The following RANBP9 variants were observed in gnomAD, a reference collection of about 807,000 sequenced individuals.
RANBP9 encodes ran-binding protein 9.
RANBP9 carries 15 observed loss-of-function variants against 84.3 expected under a neutral mutation model. The ratio of observed to expected loss-of-function variants is 0.18; its 90% confidence interval spans 0.12 to 0.27. The LOEUF (loss-of-function observed/expected upper bound fraction) is 0.27, where lower values mean the gene tolerates loss of function less well. RANBP9 is among the 10% of genes least tolerant of loss of function. The pLI is 1.00. For synonymous variants in RANBP9, 392 were observed against 349.6 expected (o/e 1.12, Z -1.35); for missense variants, 809 against 912.8 (o/e 0.89, Z 1.46).
At chr6:13,635,919 T>C (rs1764927052) in intron 10 of RANBP9, among the ~76,000 whole-genome samples, 3 of 152,102 alleles carry the variant, frequency 2.0e-5, no homozygotes, top group South Asian at 2.1e-4. Context: ...AAGGATATTA[T>C]GAAACAGCCT....
Position 13,644,730 on chromosome 6 carries a change from C to T in RANBP9, c.928-1G>A, listed in dbSNP as rs1313124720. 1 of 1,583,584 alleles carries T rather than the reference C, an allele frequency of 6.3e-7. No homozygotes were observed. The highest frequency in any genetic ancestry group is 1.9e-5 in the Admixed American group (1 of 53,208). On this transcript the variant is annotated splice_acceptor_variant, in intron 5 of 13. Coordinates refer to ENST00000011619, the MANE Select transcript of RANBP9 (RefSeq NM_005493.3). LOFTEE classifies it high-confidence loss of function. Reference sequence around the variant, plus strand: ...GCCCCACAGTAGGATACAAATTTGGCTGTAAGATAGCATATTTCATTAAAC... The same window carrying T: ...GCCCCACAGTAGGATACAAATTTGGTTGTAAGATAGCATATTTCATTAAAC...
chr6:13,708,337 G>A (rs1164887303), intron 1 of RANBP9, among the ~76,000 whole-genome samples: 1 of 152,066 alleles, frequency 6.6e-6, no homozygotes, highest in East Asian at 1.9e-4. Context: ...GAGGCAGGGG[G>A]ATCCCTTGAG....
At chr6:13,672,216 G>A (rs1765793014) in intron 2 of RANBP9, among the ~76,000 whole-genome samples, 1 of 152,036 alleles carries the variant, frequency 6.6e-6, no homozygotes, top group African/African-American at 2.4e-5. Context: ...CCTAGAGTAA[G>A]AGCAATAATT....
At chr6:13,629,115 CTTT>C (rs147993403) in intron 12 of RANBP9, among the ~76,000 whole-genome samples, 31,205 of 151,992 alleles carry the variant, frequency 0.21, 3,723 homozygotes, top group Admixed American at 0.27. Flanking sequence ...ATCATTGAGC[CTTT>C]TTGTTTTTTT....
intron 2 of RANBP9, among the ~76,000 whole-genome samples, chr6:13,694,135 A>G (rs571336875): frequency 9.2e-5 from 14 of 152,366 alleles, no homozygotes; most frequent in Non-Finnish European, 1.6e-4. Context: ...TACAAAGTTA[A>G]AAATACACTT....
At chr6:13,632,824 C>CGT (rs1764827398) in intron 11 of RANBP9, 1 of 128,122 alleles carries the variant, frequency 7.8e-6, no homozygotes, top group Non-Finnish European at 1.6e-5. Context: ...CCTAAAACTA[C>CGT]ATTAAGCAAC....
rs879753462 is a variant in RANBP9 at position 13,625,537 on chromosome 6, A to T, written c.2059+116T>A. On this transcript the variant is annotated intron_variant, in intron 13 of 13. Transcript: ENST00000011619. ...TATTTTAGGTATTTTTATATTTTAA[A>T]AATATAGAAAACATTTTCCTGATGA... The T allele has an allele frequency of 4.1e-5, 25 of 604,034 alleles. No homozygotes were observed. In the South Asian group the frequency reaches 6.7e-4, roughly 16 times the overall value. 37.4% of individuals were successfully genotyped at this position (604,034 alleles called of 1,614,324 possible). A position where few individuals can be genotyped will look rare whatever the true frequency, so the allele number is the denominator to read the frequency against.
At chr6:13,654,488 A>C (rs1469371434) in intron 4 of RANBP9, among the ~76,000 whole-genome samples, 1 of 152,244 alleles carries the variant, frequency 6.6e-6, no homozygotes, top group Non-Finnish European at 1.5e-5. Context: ...ATGAGACAGA[A>C]ACTAAAGATG....
chr6:13,638,628 TGAGACCAGCATCAGAAACATTGC>T (rs945985781), intron 9 of RANBP9, among the ~76,000 whole-genome samples: 2 of 151,830 alleles, frequency 1.3e-5, no homozygotes, highest in African/African-American at 4.8e-5. Flanking sequence ...GCCAGGAGTT[TGAGACCAGCATCAGAAACATTGC>T]GAGACTCCAA....
chr6:13,661,620 A>G (rs1327228168), intron 2 of RANBP9, among the ~76,000 whole-genome samples: 1 of 152,224 alleles, frequency 6.6e-6, no homozygotes, highest in Non-Finnish European at 1.5e-5. Context: ...TTAGGAATAT[A>G]CTAAAAGAAA....
intron 1 of RANBP9, 83 bp downstream of exon 1, chr6:13,710,852 G>C (rs946270174): frequency 2.8e-6 from 4 of 1,423,032 alleles, no homozygotes; most frequent in Non-Finnish European, 3.8e-6. Flanking sequence ...GGCGGGGGTC[G>C]GGGGCGGGTC....
intron 4 of RANBP9, among the ~76,000 whole-genome samples, chr6:13,655,059 T>G (rs1200438957): frequency 6.6e-6 from 1 of 152,164 alleles, no homozygotes; most frequent in Non-Finnish European, 1.5e-5. Context: ...AGGCCGGGAG[T>G]CAATCCCAGG....
intron 1 of RANBP9, among the ~76,000 whole-genome samples, chr6:13,706,455 G>A (rs991678429): frequency 1.3e-5 from 2 of 152,236 alleles, no homozygotes; most frequent in South Asian, 2.1e-4. Flanking sequence ...AGCACTTTGG[G>A]AGGGCGAGGC....
In RANBP9 at chr6:13,711,588, G is replaced by T. The variant is rs530336355; in HGVS notation, c.-83C>A. ...TCCCGGGGGCGCTGTCGCTGCGGCC[G>T]CCGGCACCAGGCGCCCAGTCCGCCC... On this transcript the variant is annotated 5_prime_UTR_variant, in exon 1 of 14. Transcript: ENST00000011619. 2 of 1,182,300 alleles carry T rather than the reference G, an allele frequency of 1.7e-6. No individual in the cohort carries two copies. The highest frequency in any genetic ancestry group is 2.1e-6 in the Non-Finnish European group (2 of 947,314). 73.2% of individuals were successfully genotyped at this position (1,182,300 alleles called of 1,614,324 possible). A position where few individuals can be genotyped will look rare whatever the true frequency, so the allele number is the denominator to read the frequency against.
chr6:13,632,429 T>C lies in RANBP9; in HGVS notation c.1888A>G (p.Met630Val), dbSNP rs1764815402. The C allele has an allele frequency of 5.0e-6, 8 of 1,614,100 alleles. No homozygotes were observed. Among genetic ancestry groups the C allele is most frequent in the Non-Finnish European group, 6.8e-6 (8 of 1,179,970 alleles). The change falls in exon 12 of 14, where the codon ATG becomes GTG. Residue 630 changes from methionine (M) to valine (V), a missense_variant. Physicochemically the swap from Met to Val is conservative, Grantham distance 21 (BLOSUM62 1). Around this residue, in one of 5 missense-constraint regions of RANBP9, gnomAD observed 233 missense variants for 234.4 expected, o/e 0.99. Transcript: ENST00000011619. ...MIHFGRELQA[M>V]SEQLRRDCGK... ...CAGTCTCTCCTTAGCTGTTCACTCA[T>C]TGCTTGCAGCTCTCGTCCAAAGTGG...
Position 13,711,170 on chromosome 6 carries a change from G to A in RANBP9, c.336C>T (p.Pro112=), listed in dbSNP as rs765397120. 2.7e-4 allele frequency: 391 copies of A among 1,429,652 alleles called. No homozygotes were observed. Among genetic ancestry groups the A allele is most frequent in the Non-Finnish European group, 3.4e-4 (369 of 1,095,388 alleles). The allele number at this position is 1,429,652 out of a possible 1,614,324, so 88.6% of individuals were successfully genotyped here. The change falls in exon 1 of 14, where the codon CCC becomes CCT. Residue 112 remains proline, a synonymous_variant. Transcript: ENST00000011619. ...PPAPPGLAAG[P]GPAGGAPTPA... is the part of the protein sequence containing the mutation. ...GGGTCGGGGCTCCTCCAGCCGGGCC[G>A]GGGCCCGCTGCAAGGCCCGGGGGAG... is the stretch of plus-strand genomic sequence containing the variant.
chr6:13,707,527 T>TAAA lies in RANBP9; in HGVS notation c.571+3407_571+3408insTTT, dbSNP rs200735012. Among the ~76,000 whole-genome samples the TAAA allele has an allele frequency of 4.5e-3, 688 of 152,316 alleles. 13 individuals carry two copies. Among genetic ancestry groups the TAAA allele is most frequent in the East Asian group, 6.2e-3 (32 of 5,192 alleles). On this transcript the variant is annotated intron_variant, in intron 1 of 13. Coordinates refer to ENST00000011619, the MANE Select transcript of RANBP9 (RefSeq NM_005493.3). ...ATCACAGGATTTTATCTACTTGAGATAATTAAGTCTCATATGAACTTAAAG... is the reference window on the plus strand; with the variant it reads ...ATCACAGGATTTTATCTACTTGAGATAAAAATTAAGTCTCATATGAACTTAAAG...
intron 1 of RANBP9, among the ~76,000 whole-genome samples, chr6:13,699,552 C>G (rs960032800): frequency 6.6e-6 from 1 of 152,100 alleles, no homozygotes; most frequent in East Asian, 1.9e-4. Flanking sequence ...AATCCAAAAT[C>G]TAAAATGTTT....
Position 13,668,569 on chromosome 6 carries a change from C to A in RANBP9, c.684-9737G>T, listed in dbSNP as rs574018813. ...AAAAACATGAAGTTCGTTTAACAAA[C>A]AAAAATCAATCAATGTAATATATTA... On this transcript the variant is annotated intron_variant, in intron 2 of 13. Transcript: ENST00000011619. Among the ~76,000 whole-genome samples the A allele has an allele frequency of 2.0e-5, 3 of 151,800 alleles. No individual in the cohort carries two copies. The South Asian group carries it at 6.2e-4, about 31-fold the overall frequency.
Sources: allele counts gnomAD v4.1 joint callset (sites outside exome capture counted in the v4.1 genomes callset), GRCh38; gene constraint gnomAD v4.1.1; regional missense constraint gnomAD v4.1.1; transcripts MANE v1.5; gene names NCBI Gene and HGNC (gene_info 2026-07-23, HGNC 2026-07-21).